ARID3A: variants seen among roughly 807,000 people sequenced by gnomAD.
The protein encoded by ARID3A is AT-rich interaction domain 3A.
ARID3A carries 11 observed loss-of-function variants against 52.7 expected under a neutral mutation model. The observed-to-expected ratio is 0.21, with a 90% CI of 0.13 to 0.35. ARID3A has a LOEUF of 0.35. ARID3A is among the 10% of genes least tolerant of loss of function. The pLI is 1.00. For missense variants in ARID3A, 721 were observed against 838.5 expected (o/e 0.86, Z 1.73); for synonymous variants, 404 against 359.4 (o/e 1.12, Z -1.40).
chr19:926,890 C>A (rs558278633), intron 1 of ARID3A, among the ~76,000 whole-genome samples: 11 of 152,184 alleles, frequency 7.2e-5, no homozygotes, highest in Admixed American at 2.6e-4. Flanking sequence ...GGTTCCCCCC[C>A]CCATGCAAAT....
chr19:968,353 T>C (rs1265696412), intron 7 of ARID3A, 52 bp from the exon 8 acceptor site: 7 of 1,514,388 alleles, frequency 4.6e-6, no homozygotes, highest in African/African-American at 1.5e-5. Context: ...AGCAAGACTC[T>C]GTCTCAAAAA....
chr19:929,894 C>T lies in ARID3A; in HGVS notation c.366C>T (p.Asp122=). The part of the protein sequence containing the change: ...EHFEDMASDE[D]MKPKWEEEEM... ...TTGAGGACATGGCCTCCGACGAGGA[C>T]ATGTGAGTTGGGGTCTGGGGCAGGG... is the stretch of plus-strand genomic sequence containing the variant. Residue 122 remains aspartate, a splice_region_variant and synonymous_variant, in exon 2 of 9, where the codon GAC becomes GAT. Transcript: ENST00000263620. The surrounding 1 kb of genome is among the most constrained non-coding windows in gnomAD (Gnocchi z 6.2). The T allele has an allele frequency of 6.5e-7, 1 of 1,540,602 alleles. No homozygotes were observed. The highest frequency in any genetic ancestry group is 8.7e-7 in the Non-Finnish European group (1 of 1,146,806).
intron 1 of ARID3A, among the ~76,000 whole-genome samples, chr19:927,518 T>TG (rs1164573519): frequency 1.3e-5 from 2 of 149,350 alleles, no homozygotes; most frequent in Non-Finnish European, 3.0e-5. Flanking sequence ...AGCGGGCTGG[T>TG]GGGGGGAGTG....
At chr19:928,933 C>T (rs553108480) in intron 1 of ARID3A, 2 of 152,286 alleles carry the variant, frequency 1.3e-5, no homozygotes, top group African/African-American at 4.8e-5. Flanking sequence ...TTAGAACCCA[C>T]CTGACTGGGG....
intron 3 of ARID3A, among the ~76,000 whole-genome samples, chr19:936,168 A>G (rs375399507): frequency 3.0e-4 from 46 of 152,388 alleles, no homozygotes; most frequent in African/African-American, 1.1e-3. Flanking sequence ...AGTCTCAACA[A>G]TTCTAATAAG....
chr19:953,325 G>A (rs905434771), intron 3 of ARID3A, among the ~76,000 whole-genome samples: 2 of 152,162 alleles, frequency 1.3e-5, no homozygotes, highest in Non-Finnish European at 2.9e-5. Flanking sequence ...CCAGGGCTGG[G>A]GGGTGGCGGT....
chr19:965,436 A>G (rs1159370162), intron 6 of ARID3A, among the ~76,000 whole-genome samples: 1 of 151,878 alleles, frequency 6.6e-6, no homozygotes, highest in Non-Finnish European at 1.5e-5. Flanking sequence ...TCCATAACAC[A>G]GAGGTACCAA....
intron 7 of ARID3A, among the ~76,000 whole-genome samples, chr19:967,103 C>A (rs893386776): frequency 2.0e-5 from 3 of 151,816 alleles, no homozygotes; most frequent in African/African-American, 7.3e-5. Context: ...ACTAAAAATA[C>A]AACAAATTAG....
At chr19:925,935 G>C (rs1365439763), upstream of ARID3A, 1 of 148,092 alleles carries the variant, frequency 6.8e-6, no homozygotes, top group African/African-American at 2.5e-5. Flanking sequence ...TTGCATCCGA[G>C]AGCGACTCGT....
intron 2 of ARID3A, 107 bp downstream of exon 2, chr19:930,003 C>A: frequency 2.1e-6 from 3 of 1,445,112 alleles, no homozygotes; most frequent in Non-Finnish European, 2.8e-6. Context: ...GGATCTCCTT[C>A]CTGTAATTCC....
Position 964,842 on chromosome 19 carries a change from G to A in ARID3A, c.960G>A (p.Lys320=), listed in dbSNP as rs1367748065. Residue 320 remains lysine, a synonymous_variant, in exon 6 of 9, where the codon AAG becomes AAA. Transcript: ENST00000263620. This position sits in a 1 kb window ranked among gnomAD's most constrained non-coding sequence, Gnocchi z 5.7. ...CTCGTCCCACCCACAGATACATGAA[G>A]TACCTGTACCCCTACGAGTGTGAGA... ...AAFTLRTQYM[K]YLYPYECEKR... is the part of the protein sequence containing the mutation. 6.2e-7 allele frequency: 1 copy of A among 1,613,414 alleles called. No homozygotes were observed. Among genetic ancestry groups the A allele is most frequent in the Non-Finnish European group, 8.5e-7 (1 of 1,179,524 alleles).
In ARID3A at chr19:932,488, TACGAGG is replaced by T; in HGVS notation, c.441_446del (p.Asp149_Glu150del). 1 of 1,568,528 alleles carries T rather than the reference TACGAGG, an allele frequency of 6.4e-7. No individual in the cohort carries two copies. Among genetic ancestry groups the T allele is most frequent in the South Asian group, 1.2e-5 (1 of 86,142 alleles). On this transcript the variant is annotated inframe_deletion, in exon 3 of 9. Coordinates refer to ENST00000263620, the MANE Select transcript of ARID3A (RefSeq NM_005224.3). ...GGATGAGGAGGAGGAGGAGGAGGAT[TACGAGG>T]ATGAGGAGGAGGAGGAGGACGAGGA... is the stretch of plus-strand genomic sequence containing the variant.
chr19:975,763 C>CAA lies in ARID3A; in HGVS notation c.*3711_*3712dup. 1.3e-5 allele frequency: 2 copies of CAA among 154,388 alleles called. No individual in the cohort carries two copies. The highest frequency in any genetic ancestry group is 2.2e-4 in the East Asian group (2 of 9,174). The allele number at this position is 154,388 out of a possible 1,614,324, so 9.6% of individuals were successfully genotyped here. On this transcript the variant is annotated 3_prime_UTR_variant, in exon 9 of 9. Transcript: ENST00000263620. Reference sequence around the variant, plus strand: ...AAAAAAAAAAAAAAGACAAAAAGACCAAAAAAAAAAAAAAGTGTGATTTTG... The same window carrying CAA: ...AAAAAAAAAAAAAAGACAAAAAGACCAAAAAAAAAAAAAAAAGTGTGATTTTG...
chr19:955,245 G>T (rs1330751331), intron 3 of ARID3A, among the ~76,000 whole-genome samples: 1 of 152,178 alleles, frequency 6.6e-6, no homozygotes, highest in Non-Finnish European at 1.5e-5. Flanking sequence ...TCGGCCAGCT[G>T]GCCAGGGCGG....
Position 929,632 on chromosome 19 carries a change from C to T in ARID3A, c.104C>T (p.Pro35Leu), listed in dbSNP as rs1404830450. The T allele has an allele frequency of 1.3e-6, 2 of 1,527,592 alleles. No individual in the cohort carries two copies. The highest frequency in any genetic ancestry group is 2.0e-5 in the Admixed American group (1 of 50,636). 94.6% of individuals were successfully genotyped at this position (1,527,592 alleles called of 1,614,324 possible). A position where few individuals can be genotyped will look rare whatever the true frequency, so the allele number is the denominator to read the frequency against. ...QQLPPDPPAA[P>L]PGRARAAPDE... ...CTGCCCCCCGATCCCCCTGCTGCAC[C>T]CCCCGGCCGGGCCCGGGCTGCCCCC... Residue 35 changes from proline (P) to leucine (L), a missense_variant, in exon 2 of 9, where the codon CCC (proline) becomes CTC (leucine). Coordinates refer to ENST00000263620, the MANE Select transcript of ARID3A (RefSeq NM_005224.3). The surrounding 1 kb of genome is among the most constrained non-coding windows in gnomAD (Gnocchi z 6.2).
At chr19:967,588 G>A (rs193113603) in intron 7 of ARID3A, among the ~76,000 whole-genome samples, 21 of 152,182 alleles carry the variant, frequency 1.4e-4, no homozygotes, top group African/African-American at 5.1e-4. Flanking sequence ...ACAAAGTGGA[G>A]TATGGACAAA....
intron 3 of ARID3A, among the ~76,000 whole-genome samples, chr19:939,121 A>C: frequency 7.3e-6 from 1 of 136,388 alleles, no homozygotes; most frequent in East Asian, 2.0e-4. Flanking sequence ...TTATTTATTT[A>C]TTTATTATTA....
intron 3 of ARID3A, among the ~76,000 whole-genome samples, chr19:937,120 T>C (rs1007200556): frequency 1.3e-5 from 2 of 151,908 alleles, no homozygotes; most frequent in Non-Finnish European, 2.9e-5. Flanking sequence ...ATACAAAAAT[T>C]AGCTGGGTGT....
Position 930,722 on chromosome 19 carries a change from G to T in ARID3A, c.368+826G>T, listed in dbSNP as rs1274993400. Among the ~76,000 whole-genome samples, 16 of 150,914 alleles carry T rather than the reference G, an allele frequency of 1.1e-4. No individual in the cohort carries two copies. The East Asian group carries it at 2.0e-3, about 19-fold the overall frequency. On this transcript the variant is annotated intron_variant, in intron 2 of 8. Coordinates refer to ENST00000263620, the MANE Select transcript of ARID3A (RefSeq NM_005224.3). Reference sequence around the variant, plus strand: ...GACGGGGTTTCACCATGTTAGCCAAGATGGTCTCGATCTCCTGACCTCATG... The same window carrying T: ...GACGGGGTTTCACCATGTTAGCCAATATGGTCTCGATCTCCTGACCTCATG...
Sources: allele counts gnomAD v4.1 joint callset (sites outside exome capture counted in the v4.1 genomes callset), GRCh38; gene constraint gnomAD v4.1.1; non-coding constraint Gnocchi (gnomAD v3.1); transcripts MANE v1.5; gene names NCBI Gene and HGNC (gene_info 2026-07-23, HGNC 2026-07-21).